Variants in ATG2A observed in about 807,000 individuals in gnomAD.
ATG2A encodes autophagy-related protein 2 homolog A.
A neutral mutation model predicts 214.2 loss-of-function variants in ATG2A; 103 were observed. That is an observed-to-expected ratio of 0.48 (90% CI 0.41 to 0.57). The LOEUF (loss-of-function observed/expected upper bound fraction) is 0.57. ATG2A is among the 20% of genes least tolerant of loss of function. The pLI, the probability that ATG2A is intolerant of heterozygous loss-of-function variation, is 0.00. For synonymous variants in ATG2A, 1,160 were observed against 1,142.1 expected (o/e 1.02, Z -0.32); for missense variants, 2,312 against 2,613.2 (o/e 0.88, Z 2.51).
In ATG2A at chr11:64,914,493, T is replaced by A. The variant is rs1944904182; in HGVS notation, c.179A>T (p.Asn60Ile). Residue 60 changes from asparagine to isoleucine, a missense_variant, in exon 2 of 41, where the codon AAC becomes ATC. Asn to Ile is a moderately radical substitution (Grantham distance 149). Transcript: ENST00000377264. ...RDIHLEIWSV[N>I]EVLESMESPL... Reference sequence around the variant, plus strand: ...TGACTCCATTGACTCCAGCACCTCGTTCACAGACTGGGAGCAAGCAAGAGA... The same window carrying A: ...TGACTCCATTGACTCCAGCACCTCGATCACAGACTGGGAGCAAGCAAGAGA... 6.2e-7 allele frequency: 1 copy of A among 1,612,282 alleles called. No individual in the cohort carries two copies. Among genetic ancestry groups the A allele is most frequent in the Admixed American group, 1.7e-5 (1 of 59,848 alleles).
rs1329382661 is a variant in ATG2A at position 64,905,645 on chromosome 11, G to A, written c.3382C>T (p.Leu1128Phe). The A allele has an allele frequency of 6.2e-7, 1 of 1,613,904 alleles. No individual in the cohort carries two copies. The highest frequency in any genetic ancestry group is 8.5e-7 in the Non-Finnish European group (1 of 1,179,936). The change falls in exon 24 of 41, where the codon CTC becomes TTC. Residue 1128 changes from leucine to phenylalanine, a missense_variant. Physicochemically the swap from Leu to Phe is conservative, Grantham distance 22 (BLOSUM62 0). Coordinates refer to ENST00000377264, the MANE Select transcript of ATG2A (RefSeq NM_015104.3). ...SCSVDYRPLYLPVRVLITAET... is the reference protein window; with the variant it reads ...SCSVDYRPLYFPVRVLITAET... ...GCGGTGATGAGGACACGCACTGGGA[G>A]GTAGAGTGGCCTGGGGGTGATACTC...
At chr11:64,909,183 G>A in intron 15 of ATG2A, 33 bp from the exon 16 acceptor site, 1 of 1,605,694 alleles carries the variant, frequency 6.2e-7, no homozygotes, top group Non-Finnish European at 8.5e-7. Context: ...CTGGCCTGCA[G>A]GGCCCCCGGC....
chr11:64,906,426 G>T lies in ATG2A; in HGVS notation c.3091C>A (p.Arg1031=), dbSNP rs765389654. ...TGGCCCTTGCGGCCCGAGGCTCCCC[G>T]CTCGGTCACCCCTTCCTCCGATGGG... The part of the protein sequence containing the change: ...IYPSEEGVTE[R]GASGRKGQGR... The change falls in exon 21 of 41, where the codon CGG becomes AGG. Residue 1031 remains arginine (R), a synonymous_variant. Transcript: ENST00000377264. 2 of 1,613,062 alleles carry T rather than the reference G, an allele frequency of 1.2e-6. No individual in the cohort carries two copies. Among genetic ancestry groups the T allele is most frequent in the Non-Finnish European group, 1.7e-6 (2 of 1,179,994 alleles).
rs1944212727 is a variant in ATG2A at position 64,897,921 on chromosome 11, C to T, written c.4912G>A (p.Gly1638Ser). The T allele has an allele frequency of 6.4e-7, 1 of 1,554,048 alleles. No homozygotes were observed. The highest frequency in any genetic ancestry group is 8.7e-7 in the Non-Finnish European group (1 of 1,151,156). ...PSSPLEGQAE[G>S]VETTGSQEAP... Reference sequence around the variant, plus strand: ...TCCTGCGAACCAGTGGTCTCTACGCCTTCGGCCTGCCCTTCCAGGGGGCTG... The same window carrying T: ...TCCTGCGAACCAGTGGTCTCTACGCTTTCGGCCTGCCCTTCCAGGGGGCTG... The change falls in exon 35 of 41, where the codon GGC becomes AGC. Residue 1638 changes from glycine to serine, a missense_variant. By Grantham distance (56) the Gly-to-Ser change is moderately conservative. Coordinates refer to ENST00000377264, the MANE Select transcript of ATG2A (RefSeq NM_015104.3).
chr11:64,910,664 C>T lies in ATG2A; in HGVS notation c.1659G>A (p.Arg553=). The change falls in exon 12 of 41, where the codon CGG becomes CGA. Residue 553 remains arginine, a synonymous_variant. Transcript: ENST00000377264. The part of the protein sequence containing the change: ...PGTLGSQASA[R]PCAHLRHTQI... Reference sequence around the variant, plus strand: ...GTGTGTGGCGCAGATGGGCGCAGGGCCGAGCTGAGGCCTGGGAGCCCAGCG... The same window carrying T: ...GTGTGTGGCGCAGATGGGCGCAGGGTCGAGCTGAGGCCTGGGAGCCCAGCG... The T allele has an allele frequency of 6.2e-7, 1 of 1,609,864 alleles. No homozygotes were observed.
intron 22 of ATG2A, 54 bp from the exon 23 acceptor site, chr11:64,905,902 C>T: frequency 1.3e-6 from 2 of 1,547,100 alleles, no homozygotes; most frequent in South Asian, 1.1e-5. Context: ...GTCCTCCCTC[C>T]TCTAACCCCT....
At chr11:64,900,346 A>T in intron 31 of ATG2A, 148 bp downstream of exon 31, 3 of 1,239,260 alleles carry the variant, frequency 2.4e-6, no homozygotes, top group Non-Finnish European at 3.4e-6. Flanking sequence ...CATCGGACAC[A>T]CTCGATACAT....
Position 64,897,404 on chromosome 11 carries a change from G to T in ATG2A, c.5150+8C>A. ...CCCTGGAGAGAGGCTGGGGTGCTGGGGACTCACCCGTGCCTGCAACAGAGC... is the reference window on the plus strand; with the variant it reads ...CCCTGGAGAGAGGCTGGGGTGCTGGTGACTCACCCGTGCCTGCAACAGAGC... On this transcript the variant is annotated splice_region_variant and intron_variant, in intron 37 of 40. Transcript: ENST00000377264. The T allele has an allele frequency of 6.4e-7, 1 of 1,558,286 alleles. No homozygotes were observed. The highest frequency in any genetic ancestry group is 2.4e-5 in the East Asian group (1 of 41,578).
At chr11:64,905,483 G>A (rs1944508731) in intron 24 of ATG2A, 80 bp downstream of exon 24, 1 of 1,386,310 alleles carries the variant, frequency 7.2e-7, no homozygotes, top group Admixed American at 2.0e-5. Context: ...TTAAGACCGA[G>A]AGCACCAGAG....
chr11:64,909,339 A>G lies in ATG2A; in HGVS notation c.2136T>C (p.Pro712=), dbSNP rs781579049. The change falls in exon 15 of 41, where the codon CCT becomes CCC. Residue 712 remains proline (P), a synonymous_variant. Transcript: ENST00000377264. ...HGIYEDGGKP[P]VPCLRVSKAL... is the part of the protein sequence containing the mutation. ...CTTTGGAGACACGCAGGCAAGGGACAGGTGGCTTCCCTCCATCTTCATAGA... is the reference window on the plus strand; with the variant it reads ...CTTTGGAGACACGCAGGCAAGGGACGGGTGGCTTCCCTCCATCTTCATAGA... 6.2e-7 allele frequency: 1 copy of G among 1,613,554 alleles called. No homozygotes were observed. The highest frequency in any genetic ancestry group is 8.5e-7 in the Non-Finnish European group (1 of 1,179,986).
rs147790233 is a variant in ATG2A, at chr11:64,905,795, C to T, written c.3318G>A (p.Pro1106=). The change falls in exon 23 of 41, where the codon CCG becomes CCA. Residue 1106 remains proline (P), a synonymous_variant. Coordinates refer to ENST00000377264, the MANE Select transcript of ATG2A (RefSeq NM_015104.3). ...LDDPVLGYLP[P]TVITILHTHL... ...GTGTGTGCAGGATGGTGATGACCGT[C>T]GGGGGCAGGTAGCCCAGCACAGGGT... is the stretch of plus-strand genomic sequence containing the variant. 59 of 1,613,680 alleles carry T rather than the reference C, an allele frequency of 3.7e-5. No individual in the cohort carries two copies. Among genetic ancestry groups the T allele is most frequent in the Non-Finnish European group, 4.6e-5 (54 of 1,180,006 alleles).
In ATG2A at chr11:64,898,382, T is replaced by C. The variant is rs1944231708; in HGVS notation, c.4672-20A>G. ...GGTGAGCTGGGAGCAGAGGGTGAGT[T>C]CTGGACACCTGCTGGGCCTCTGGGG... is the stretch of plus-strand genomic sequence containing the variant. On this transcript the variant is annotated intron_variant, in intron 32 of 40. Coordinates refer to ENST00000377264, the MANE Select transcript of ATG2A (RefSeq NM_015104.3). This position sits in a 1 kb window ranked among gnomAD's most constrained non-coding sequence, Gnocchi z 4.5. The C allele has an allele frequency of 6.4e-7, 1 of 1,567,806 alleles. No individual in the cohort carries two copies. The highest frequency in any genetic ancestry group is 8.6e-7 in the Non-Finnish European group (1 of 1,157,762).
Position 64,903,249 on chromosome 11 carries a change from T to G in ATG2A, c.3612+39A>C. The G allele has an allele frequency of 6.3e-7, 1 of 1,595,282 alleles. No individual in the cohort carries two copies. The highest frequency in any genetic ancestry group is 8.6e-7 in the Non-Finnish European group (1 of 1,163,790). ...TGAAGACTCCCTTGGCCCCTGCACCTGCTGTGGCTCCAGGAGCCAGAGTGA... is the reference window on the plus strand; with the variant it reads ...TGAAGACTCCCTTGGCCCCTGCACCGGCTGTGGCTCCAGGAGCCAGAGTGA... On this transcript the variant is annotated intron_variant, in intron 26 of 40. Transcript: ENST00000377264. This position sits in a 1 kb window ranked among gnomAD's most constrained non-coding sequence, Gnocchi z 4.2.
intron 16 of ATG2A, 131 bp downstream of exon 16, chr11:64,908,860 T>G: frequency 2.1e-6 from 2 of 944,048 alleles, no homozygotes; most frequent in Non-Finnish European, 3.1e-6. Flanking sequence ...TCCTCACTGG[T>G]GTTGGGTCAG....
intron 29 of ATG2A, 113 bp from the exon 30 acceptor site, chr11:64,901,205 G>T (rs1944341395): frequency 3.6e-6 from 4 of 1,111,478 alleles, no homozygotes; most frequent in Non-Finnish European, 5.1e-6. Context: ...TATAGACAGG[G>T]TCGGGTCATG....
chr11:64,903,000 C>T (rs1382249664), intron 26 of ATG2A, among the ~76,000 whole-genome samples: 1 of 147,218 alleles, frequency 6.8e-6, no homozygotes, highest in Non-Finnish European at 1.5e-5. Flanking sequence ...GAGATGAATC[C>T]GGGGACCTAC....
chr11:64,909,918 G>C lies in ATG2A; in HGVS notation c.1870C>G (p.Pro624Ala). 5.6e-6 allele frequency: 9 copies of C among 1,600,900 alleles called. No individual in the cohort carries two copies. Among genetic ancestry groups the C allele is most frequent in the South Asian group, 1.1e-5 (1 of 90,698 alleles). Residue 624 changes from proline to alanine, a missense_variant, in exon 14 of 41, where the codon CCC (proline) becomes GCC (alanine). Transcript: ENST00000377264. ...AEPPAGLLTE[P>A]LPAMEQQTVF... ...GTCTGCTGCTCCATCGCCGGCAGGGGCTCTGTCTGCAGGAGGATTGGGGGT... is the reference window on the plus strand; with the variant it reads ...GTCTGCTGCTCCATCGCCGGCAGGGCCTCTGTCTGCAGGAGGATTGGGGGT...
intron 37 of ATG2A, 100 bp downstream of exon 37, chr11:64,897,312 G>A: frequency 1.4e-6 from 2 of 1,389,286 alleles, no homozygotes; most frequent in East Asian, 2.5e-5. Flanking sequence ...CTGAGGCCCT[G>A]AGAAGGGTGA....
chr11:64,913,928 G>T lies in ATG2A; in HGVS notation c.488-5C>A, dbSNP rs775805353. ...TCACTTTGATCCTCCGAAGCACTGA[G>T]GAGTTGGGGAGGGGTCTCAGGTCAG... On this transcript the variant is annotated splice_polypyrimidine_tract_variant and splice_region_variant and intron_variant, in intron 3 of 40. Transcript: ENST00000377264. The surrounding 1 kb of genome is among the most constrained non-coding windows in gnomAD (Gnocchi z 4.3). 3.1e-6 allele frequency: 5 copies of T among 1,613,558 alleles called. No homozygotes were observed. The highest frequency in any genetic ancestry group is 3.4e-6 in the Non-Finnish European group (4 of 1,179,700).
Sources: gnomAD v4.1 joint callset for allele counts (sites outside exome capture counted in the v4.1 genomes callset) on GRCh38, gnomAD v4.1.1 for gene constraint, Gnocchi (gnomAD v3.1) non-coding constraint, MANE v1.5 for transcripts, NCBI Gene and HGNC (gene_info 2026-07-23, HGNC 2026-07-21) for gene names.